The following PPP1R1C variants were observed in gnomAD, a reference collection of about 807,000 sequenced individuals.
The protein encoded by PPP1R1C is protein phosphatase 1 regulatory subunit 1C.
PPP1R1C carries 15 observed loss-of-function variants against 17.4 expected under a neutral mutation model. The observed-to-expected ratio is 0.86, with a 90% CI of 0.58 to 1.33. PPP1R1C has a LOEUF of 1.33. PPP1R1C is among the 40% of genes most tolerant of loss of function. The probability of loss-of-function intolerance (pLI) is 0.00; values close to 1 mark genes in which losing one functional copy is unlikely to be tolerated. For synonymous variants in PPP1R1C, 35 were observed against 43.1 expected (o/e 0.81, Z 0.73); for missense variants, 143 against 130.0 (o/e 1.10, Z -0.48).
At chr2:182,029,343 G>A (rs913708772) in intron 2 of PPP1R1C, among the ~76,000 whole-genome samples, 1 of 152,098 alleles carries the variant, frequency 6.6e-6, no homozygotes, top group Non-Finnish European at 1.5e-5. Flanking sequence ...TTTTGTAGCG[G>A]CTGGTACCGG....
intron 2 of PPP1R1C, among the ~76,000 whole-genome samples, chr2:182,017,393 T>G (rs899747903): frequency 6.6e-6 from 1 of 152,094 alleles, no homozygotes; most frequent in African/African-American, 2.4e-5. Context: ...TTTTTTAAAT[T>G]CACTCTAATT....
intron 2 of PPP1R1C, among the ~76,000 whole-genome samples, chr2:182,042,833 C>T (rs922365776): frequency 2.6e-5 from 4 of 152,054 alleles, no homozygotes; most frequent in Non-Finnish European, 5.9e-5. Flanking sequence ...TTAAAAGGTA[C>T]CAGGGAAGCT....
Position 181,962,394 on chromosome 2 carries a change from C to T in PPP1R1C, n.111+7760C>T. On this transcript the variant is annotated intron_variant and non_coding_transcript_variant, in intron 1 of 5. Transcript: ENST00000464264. This position sits in a 1 kb window ranked among gnomAD's most constrained non-coding sequence, Gnocchi z 6.0. Reference sequence around the variant, plus strand: ...GCATAGACGCTGGCCATGCAGCTGGCCGGCCGGGCGCCGTAGTTGGACACC... The same window carrying T: ...GCATAGACGCTGGCCATGCAGCTGGTCGGCCGGGCGCCGTAGTTGGACACC... 1 of 767,834 alleles carries T rather than the reference C, an allele frequency of 1.3e-6. No homozygotes were observed. Among genetic ancestry groups the T allele is most frequent in the Non-Finnish European group, 2.2e-6 (1 of 446,408 alleles). 47.6% of individuals were successfully genotyped at this position (767,834 alleles called of 1,614,324 possible).
In PPP1R1C at chr2:182,117,226, C is replaced by T. The variant is rs1459940379; in HGVS notation, c.261C>T (p.Gly87=). ...TTTCAGGGGTTAAGCATCTGAAAGG[C>T]CAGAATGAATCAGCATTCCCTGAAG... ...PTIKGVKHLK[G]QNESAFPEEE... is the part of the protein sequence containing the mutation. The change falls in exon 5 of 5, where the codon GGC becomes GGT. Residue 87 remains glycine, a synonymous_variant. Coordinates refer to ENST00000682840, the MANE Select transcript of PPP1R1C (RefSeq NM_001080545.3). 1 of 1,557,580 alleles carries T rather than the reference C, an allele frequency of 6.4e-7. No individual in the cohort carries two copies. Among genetic ancestry groups the T allele is most frequent in the East Asian group, 2.4e-5 (1 of 41,536 alleles).
intron 4 of PPP1R1C, among the ~76,000 whole-genome samples, chr2:182,116,334 A>G (rs934540002): frequency 6.6e-6 from 1 of 152,174 alleles, no homozygotes; most frequent in Non-Finnish European, 1.5e-5. Context: ...ACAGTTCTGT[A>G]AGGTAATTGA....
chr2:182,003,921 C>T (rs1685843173), intron 2 of PPP1R1C, among the ~76,000 whole-genome samples: 1 of 151,956 alleles, frequency 6.6e-6, no homozygotes, highest in South Asian at 2.1e-4. Flanking sequence ...GATCTCAGCT[C>T]TATGCTGGAT....
At chr2:181,994,160 T>G (rs935807735) in intron 2 of PPP1R1C, among the ~76,000 whole-genome samples, 1 of 152,146 alleles carries the variant, frequency 6.6e-6, no homozygotes, top group African/African-American at 2.4e-5. Context: ...TATGAGTTCT[T>G]AAGATTTTTT....
chr2:182,056,816 A>G (rs1362937958), intron 2 of PPP1R1C, among the ~76,000 whole-genome samples: 3 of 152,156 alleles, frequency 2.0e-5, no homozygotes, highest in Non-Finnish European at 4.4e-5. Flanking sequence ...CTTGAAATAG[A>G]TATCTTCTCA....
At chr2:182,015,645 C>A (rs1467118767) in intron 2 of PPP1R1C, among the ~76,000 whole-genome samples, 1 of 152,088 alleles carries the variant, frequency 6.6e-6, no homozygotes, top group East Asian at 1.9e-4. Context: ...GCTAGTACTG[C>A]TTCCTTCCCT....
chr2:182,130,486 A>T (rs748042737), downstream of PPP1R1C: 9 of 152,228 alleles, frequency 5.9e-5, no homozygotes, highest in Non-Finnish European at 1.3e-4. Flanking sequence ...TAGCAAAGGT[A>T]CAACATGGCT....
intron 2 of PPP1R1C, among the ~76,000 whole-genome samples, chr2:182,038,033 T>G (rs1305351848): frequency 6.6e-6 from 1 of 151,936 alleles, no homozygotes; most frequent in Non-Finnish European, 1.5e-5. Flanking sequence ...TATTTATATG[T>G]ATTTTATTTT....
chr2:182,024,396 A>G (rs1686527256), intron 2 of PPP1R1C, among the ~76,000 whole-genome samples: 1 of 152,198 alleles, frequency 6.6e-6, no homozygotes, highest in African/African-American at 2.4e-5. Flanking sequence ...TTTTTAAAAT[A>G]TTTCAGAGCA....
intron 2 of PPP1R1C, among the ~76,000 whole-genome samples, chr2:182,008,839 G>A (rs1459272471): frequency 6.6e-6 from 1 of 152,086 alleles, no homozygotes; most frequent in African/African-American, 2.4e-5. Flanking sequence ...CCATCACCAT[G>A]TGTTTGTTTC....
At chr2:182,090,489 T>G (rs1035790771) in intron 4 of PPP1R1C, among the ~76,000 whole-genome samples, 4 of 152,108 alleles carry the variant, frequency 2.6e-5, no homozygotes. Flanking sequence ...TTATAACCGG[T>G]AAAAACCAGA....
intron 1 of PPP1R1C, among the ~76,000 whole-genome samples, chr2:181,971,552 C>T (rs951995638): frequency 2.6e-5 from 4 of 152,178 alleles, no homozygotes; most frequent in Admixed American, 2.6e-4. Context: ...GGCACAAGCA[C>T]TCCCTTGGCC....
At chr2:182,008,097 A>T (rs201455674) in intron 2 of PPP1R1C, among the ~76,000 whole-genome samples, 1 of 150,420 alleles carries the variant, frequency 6.6e-6, no homozygotes, top group Non-Finnish European at 1.5e-5. Context: ...ATAAAAAAAT[A>T]AAATAAAATG....
intron 4 of PPP1R1C, among the ~76,000 whole-genome samples, chr2:182,108,990 C>T (rs948200302): frequency 4.6e-5 from 7 of 152,246 alleles, no homozygotes; most frequent in African/African-American, 9.6e-5. Context: ...TCCCTGTCTT[C>T]GCTAGCATTT....
chr2:182,129,960 A>G (rs912341916), exon 6 of PPP1R1C: 6 of 152,162 alleles, frequency 3.9e-5, no homozygotes, highest in Non-Finnish European at 8.8e-5. Context: ...ATGACTTATA[A>G]GAAATAAAAG....
chr2:181,997,000 C>T (rs1022328373), intron 2 of PPP1R1C, among the ~76,000 whole-genome samples: 4 of 152,046 alleles, frequency 2.6e-5, no homozygotes, highest in Admixed American at 6.5e-5. Flanking sequence ...GAGGCCGAGG[C>T]GGGCGGATCA....
Sources: allele counts gnomAD v4.1 joint callset (sites outside exome capture counted in the v4.1 genomes callset), GRCh38; gene constraint gnomAD v4.1.1; non-coding constraint Gnocchi (gnomAD v3.1); transcripts MANE v1.5; gene names NCBI Gene and HGNC (gene_info 2026-07-23, HGNC 2026-07-21).